The following N4BP2 variants were observed in gnomAD, a reference collection of about 807,000 sequenced individuals.
N4BP2 encodes NEDD4 binding protein 2, also known as NEDD4-binding protein 2.
Under a neutral mutation model 152.8 loss-of-function variants are expected in N4BP2, and 91 were observed. That is an observed-to-expected ratio of 0.60 (90% CI 0.50 to 0.71). N4BP2 has a LOEUF of 0.71. Among genes scored for constraint, N4BP2 ranks in the 30% least tolerant of loss-of-function variants. The pLI is 0.00. For missense variants in N4BP2, 1,923 were observed against 2,059.1 expected, an observed-to-expected ratio of 0.93 and a Z score of 1.28; for synonymous variants, 646 against 705.3, an observed-to-expected ratio of 0.92 and a Z score of 1.33.
At chr4:40,075,533 G>A (rs1330860710) in intron 2 of N4BP2, among the ~76,000 whole-genome samples, 1 of 152,088 alleles carries the variant, frequency 6.6e-6, no homozygotes. Context: ...CAGTAGCTGG[G>A]ACTACAGGTG....
the N4BP2 span, among the ~76,000 whole-genome samples, chr4:40,170,123 A>G: frequency 6.6e-6 from 1 of 152,168 alleles, no homozygotes; most frequent in Non-Finnish European, 1.5e-5. Flanking sequence ...ATTAAAATAT[A>G]CATTTAACTC....
At chr4:40,186,676 A>G in the N4BP2 span, among the ~76,000 whole-genome samples, 1 of 152,226 alleles carries the variant, frequency 6.6e-6, no homozygotes, top group South Asian at 2.1e-4. Context: ...TTAACAGTAT[A>G]TTGTGAGCAT....
chr4:40,076,564 C>T (rs1172277779), intron 2 of N4BP2, among the ~76,000 whole-genome samples: 1 of 152,148 alleles, frequency 6.6e-6, no homozygotes, highest in African/African-American at 2.4e-5. Flanking sequence ...TCTCGGCTCA[C>T]TGCAAGCTCC....
chr4:40,057,522 C>A (rs1042152229), intron 1 of N4BP2, among the ~76,000 whole-genome samples: 10 of 152,212 alleles, frequency 6.6e-5, no homozygotes, highest in Non-Finnish European at 1.3e-4. Flanking sequence ...CAAGTCCAGA[C>A]ACACAGCCAC....
rs1006135164 is a variant in N4BP2, at chr4:40,083,900, G to A, written c.-115+10349G>A. Among the ~76,000 whole-genome samples the A allele has an allele frequency of 3.3e-5, 5 of 152,304 alleles. No homozygotes were observed. In the South Asian group the frequency reaches 6.2e-4, roughly 19 times the overall value. On this transcript the variant is annotated intron_variant, in intron 2 of 17. Coordinates refer to ENST00000261435, the MANE Select transcript of N4BP2 (RefSeq NM_018177.6). ...CCCACACTTAAAACCAATCCACGAC[G>A]CTACCTTTGATACAGATGGTAGTGG... is the stretch of plus-strand genomic sequence containing the variant.
intron 16 of N4BP2, among the ~76,000 whole-genome samples, chr4:40,149,373 T>C (rs1720923950): frequency 6.6e-6 from 1 of 152,172 alleles, no homozygotes. Context: ...GTTCTGAGTA[T>C]GTAAATCTAG....
At position 40,099,878 on chromosome 4, in the gene N4BP2, C is replaced by T. The variant is rs537391307; in HGVS notation, c.230-2197C>T. Among the ~76,000 whole-genome samples the T allele has an allele frequency of 1.4e-4, 21 of 151,776 alleles. No homozygotes were observed. In the East Asian group the frequency reaches 3.9e-3, roughly 28 times the overall value. The stretch of plus-strand genomic sequence containing the variant: ...ATTTTTTTCATAGAAATACTCCTTA[C>T]GTTTGCTTTCTTTTTTTTCCCCCGT... On this transcript the variant is annotated intron_variant, in intron 3 of 17. Transcript: ENST00000261435.
intron 14 of N4BP2, 30 bp downstream of exon 14, chr4:40,137,112 G>A (rs768036606): frequency 6.5e-7 from 1 of 1,538,894 alleles, no homozygotes; most frequent in South Asian, 1.2e-5. Context: ...TTTTCTACAA[G>A]GGTAGATAAT....
chr4:40,181,183 T>C, the N4BP2 span, among the ~76,000 whole-genome samples: 1 of 151,968 alleles, frequency 6.6e-6, no homozygotes, highest in East Asian at 1.9e-4. Flanking sequence ...ATTGGCCAAA[T>C]CTTTGCCCTT....
At chr4:40,173,631 T>C in the N4BP2 span, among the ~76,000 whole-genome samples, 1 of 152,170 alleles carries the variant, frequency 6.6e-6, no homozygotes, top group Non-Finnish European at 1.5e-5. Context: ...CACCCTTCCT[T>C]GTAAAGTGAG....
At chr4:40,079,504 G>A (rs896407195) in intron 2 of N4BP2, among the ~76,000 whole-genome samples, 1 of 151,292 alleles carries the variant, frequency 6.6e-6, no homozygotes, top group African/African-American at 2.4e-5. Flanking sequence ...AAAACCACAG[G>A]CAAATAATGT....
At chr4:40,190,008 C>T in the N4BP2 span, among the ~76,000 whole-genome samples, 4 of 152,082 alleles carry the variant, frequency 2.6e-5, no homozygotes, top group South Asian at 4.1e-4. Flanking sequence ...TTACATTTTT[C>T]GTCTTTCTAT....
chr4:40,062,182 G>T (rs529735646), intron 1 of N4BP2, among the ~76,000 whole-genome samples: 2 of 150,768 alleles, frequency 1.3e-5, no homozygotes, highest in Non-Finnish European at 2.9e-5. Context: ...GGGTTCAAGC[G>T]ATTCTCCTGC....
At position 40,102,749 on chromosome 4, in the gene N4BP2, T is replaced by G. The variant is rs1285517842; in HGVS notation, c.904T>G (p.Leu302Val). 6.2e-7 allele frequency: 1 copy of G among 1,614,178 alleles called. No homozygotes were observed. The highest frequency in any genetic ancestry group is 2.2e-5 in the East Asian group (1 of 44,890). Reference sequence around the variant, plus strand: ...TTGTTTAAACCTTCCAGGGCTTGATTTACCAGGTACAGGTGGGGATCAGAA... The same window carrying G: ...TTGTTTAAACCTTCCAGGGCTTGATGTACCAGGTACAGGTGGGGATCAGAA... ...QACLNLPGLDLPGTGGDQKST... is the reference protein window; with the variant it reads ...QACLNLPGLDVPGTGGDQKST... The change falls in exon 4 of 18, where the codon TTA becomes GTA. Residue 302 changes from leucine (L) to valine (V), a missense_variant. By Grantham distance (32) the Leu-to-Val change is conservative. Coordinates refer to ENST00000261435, the MANE Select transcript of N4BP2 (RefSeq NM_018177.6).
intron 12 of N4BP2, among the ~76,000 whole-genome samples, chr4:40,130,634 G>T (rs1718826649): frequency 6.6e-6 from 1 of 152,068 alleles, no homozygotes; most frequent in Non-Finnish European, 1.5e-5. Flanking sequence ...TCCCACCTCA[G>T]CTGGGACTCT....
chr4:40,071,710 G>A (rs776840179), intron 1 of N4BP2, among the ~76,000 whole-genome samples: 9 of 151,738 alleles, frequency 5.9e-5, no homozygotes, highest in Middle Eastern at 3.4e-3. Context: ...GGGACTACAG[G>A]CTCTCGCCAC....
At chr4:40,158,650 C>T (rs1721772568), downstream of N4BP2, among the ~76,000 whole-genome samples, 1 of 151,910 alleles carries the variant, frequency 6.6e-6, no homozygotes, top group African/African-American at 2.4e-5. Context: ...ATTAGCCAGG[C>T]ATGGTGGCAT....
downstream of N4BP2, among the ~76,000 whole-genome samples, chr4:40,162,405 G>A (rs1721881614): frequency 6.6e-6 from 1 of 152,112 alleles, no homozygotes; most frequent in African/African-American, 2.4e-5. Flanking sequence ...GTTGCAGTGA[G>A]CCAAGATAGT....
At chr4:40,086,147 T>G (rs1713927262) in intron 2 of N4BP2, among the ~76,000 whole-genome samples, 1 of 148,570 alleles carries the variant, frequency 6.7e-6, no homozygotes, top group African/African-American at 2.5e-5. Flanking sequence ...TTTTTTTTTT[T>G]GCTAATTTTT....
Sources: allele counts gnomAD v4.1 joint callset (sites outside exome capture counted in the v4.1 genomes callset), GRCh38; gene constraint gnomAD v4.1.1; transcripts MANE v1.5; gene names NCBI Gene and HGNC (gene_info 2026-07-23, HGNC 2026-07-21).